BDP1: variants seen among roughly 807,000 people sequenced by gnomAD.
BDP1 encodes transcription factor TFIIIB component B'' homolog.
BDP1 carries 169 observed loss-of-function variants against 266.6 expected under a neutral mutation model. That is an observed-to-expected ratio of 0.63 (90% CI 0.56 to 0.72). BDP1 has a LOEUF of 0.72. Ranked by LOEUF, BDP1 falls within the 30% of genes least tolerant of loss-of-function variation. The pLI is 0.00. For missense variants in BDP1, 3,015 were observed against 3,053.8 expected (o/e 0.99, Z 0.30); for synonymous variants, 1,090 against 1,022.4 (o/e 1.07, Z -1.26).
chr5:71,532,209 C>A, intron 25 of BDP1, 99 bp from the exon 26 acceptor site: 3 of 1,004,944 alleles, frequency 3.0e-6, no homozygotes, highest in Non-Finnish European at 2.9e-6. Flanking sequence ...ATTATTTCTT[C>A]ATTTTAGCGT....
chr5:71,483,791 A>G (rs762985916), intron 7 of BDP1, 51 bp from the exon 8 acceptor site: 1 of 1,391,914 alleles, frequency 7.2e-7, no homozygotes, highest in Non-Finnish European at 1.0e-6. Context: ...TTTAAAAAAA[A>G]ATGCTTGTTT....
Position 71,512,416 on chromosome 5 carries a change from A to T in BDP1, c.4235A>T (p.Asp1412Val). Residue 1412 changes from aspartate to valine, a missense_variant, in exon 18 of 39, where the codon GAT becomes GTT. Asp to Val is a radical substitution (Grantham distance 152). Around this residue, in one of 3 missense-constraint regions of BDP1, gnomAD observed 2,383 missense variants for 2,404.9 expected, o/e 0.99. Coordinates refer to ENST00000358731, the MANE Select transcript of BDP1 (RefSeq NM_018429.3). The stretch of plus-strand genomic sequence containing the variant: ...CCAGATGTTCCAGAGCAGTTTTCAG[A>T]TATTAATTTAAGGTACAAGTGTGTT... Reference protein sequence around the residue: ...QSPDVPEQFSDINLSKSLPQE... With the variant: ...QSPDVPEQFSVINLSKSLPQE... The T allele has an allele frequency of 4.5e-6, 7 of 1,543,412 alleles. No homozygotes were observed. The highest frequency in any genetic ancestry group is 6.1e-6 in the Non-Finnish European group (7 of 1,153,470).
At chr5:71,488,852 C>T (rs1303513243) in intron 9 of BDP1, among the ~76,000 whole-genome samples, 1 of 152,006 alleles carries the variant, frequency 6.6e-6, no homozygotes, top group Non-Finnish European at 1.5e-5. Flanking sequence ...GGATTACAGG[C>T]GCCTGCCACC....
intron 15 of BDP1, among the ~76,000 whole-genome samples, chr5:71,503,460 G>A (rs562656955): frequency 3.3e-5 from 5 of 152,266 alleles, no homozygotes; most frequent in South Asian, 4.1e-4. Context: ...TTGCTTTTCC[G>A]TATCACTTAG....
Position 71,549,495 on chromosome 5 carries a change from C to T in BDP1, c.6884C>T (p.Ala2295Val). The T allele has an allele frequency of 6.2e-7, 1 of 1,614,012 alleles. No homozygotes were observed. Among genetic ancestry groups the T allele is most frequent in the East Asian group, 2.2e-5 (1 of 44,866 alleles). The change falls in exon 34 of 39, where the codon GCC becomes GTC. Residue 2295 changes from alanine (A) to valine (V), a missense_variant. Physicochemically the swap from Ala to Val is moderately conservative, Grantham distance 64. Around this residue, in one of 3 missense-constraint regions of BDP1, gnomAD observed 629 missense variants for 632.5 expected, o/e 0.99. Transcript: ENST00000358731. Reference sequence around the variant, plus strand: ...ATTTTAACTCTGGTGGAAATCCCAGCCAATGCAGTAGAAGAATTTACTGAT... The same window carrying T: ...ATTTTAACTCTGGTGGAAATCCCAGTCAATGCAGTAGAAGAATTTACTGAT... ...AFILTLVEIPANAVEEFTDAT... is the reference protein window; with the variant it reads ...AFILTLVEIPVNAVEEFTDAT...
At position 71,491,389 on chromosome 5, in the gene BDP1, C is replaced by T. The variant is rs184294546; in HGVS notation, c.1640+258C>T. 1.7e-3 allele frequency among the ~76,000 whole-genome samples: 250 copies of T among 151,366 alleles called. 1 individual carries two copies. Among genetic ancestry groups the T allele is most frequent in the African/African-American group, 5.8e-3 (237 of 41,206 alleles). On this transcript the variant is annotated intron_variant, in intron 11 of 38. Transcript: ENST00000358731. ...TCTGATGTTTACTTTGCTATTGTAG[C>T]TTTCTTTTGGTTGGCGTTTGCATGG... is the stretch of plus-strand genomic sequence containing the variant.
At chr5:71,576,678 A>G in the BDP1 span, among the ~76,000 whole-genome samples, 1 of 152,228 alleles carries the variant, frequency 6.6e-6, no homozygotes, top group Non-Finnish European at 1.5e-5. Context: ...GATGGAAAAG[A>G]AGAAAATCAG....
the BDP1 span, among the ~76,000 whole-genome samples, chr5:71,576,632 G>T: frequency 3.9e-5 from 6 of 152,166 alleles, no homozygotes; most frequent in Non-Finnish European, 1.5e-5. Flanking sequence ...TATGTTAACT[G>T]GAGACATTGT....
intron 7 of BDP1, among the ~76,000 whole-genome samples, chr5:71,483,584 A>G (rs760447678): frequency 1.3e-5 from 2 of 152,084 alleles, no homozygotes; most frequent in African/African-American, 2.4e-5. Flanking sequence ...TGTTGACTTT[A>G]TTTTTTTCTG....
rs374426687 is a variant in BDP1 at position 71,530,242 on chromosome 5, T to G, written c.5773-2066T>G. Among the ~76,000 whole-genome samples, 4 of 152,074 alleles carry G rather than the reference T, an allele frequency of 2.6e-5. No homozygotes were observed. The East Asian group carries it at 7.7e-4, about 29-fold the overall frequency. On this transcript the variant is annotated intron_variant, in intron 25 of 38. Coordinates refer to ENST00000358731, the MANE Select transcript of BDP1 (RefSeq NM_018429.3). ...TTTATTTATTTTTCTTTTCTTTATT[T>G]TTATTTTTTTGAGATAGGGTCTTAC...
chr5:71,533,554 C>T (rs1766390825), intron 26 of BDP1, among the ~76,000 whole-genome samples: 1 of 151,522 alleles, frequency 6.6e-6, no homozygotes, highest in Admixed American at 6.6e-5. Context: ...CAGCTTTGAC[C>T]TCCTGAGTGT....
intron 1 of BDP1, among the ~76,000 whole-genome samples, chr5:71,456,315 T>A (rs1417894259): frequency 6.6e-6 from 1 of 152,216 alleles, no homozygotes; most frequent in Non-Finnish European, 1.5e-5. Context: ...GAGGAGACCA[T>A]GTCTTCAAGT....
At chr5:71,528,122 C>T (rs1302786799) in intron 25 of BDP1, among the ~76,000 whole-genome samples, 2 of 152,002 alleles carry the variant, frequency 1.3e-5, no homozygotes, top group African/African-American at 4.8e-5. Context: ...CACCCGGCCT[C>T]GATCTTATGT....
In BDP1 at chr5:71,541,689, T is replaced by G. The variant is rs773357789; in HGVS notation, c.6251+7T>G. On this transcript the variant is annotated splice_region_variant and intron_variant, in intron 29 of 38. Transcript: ENST00000358731. ...AGAATGCTACACCAACCAGGTTTATTTTAGTATTCAATTAATAAATATTAC... is the reference window on the plus strand; with the variant it reads ...AGAATGCTACACCAACCAGGTTTATGTTAGTATTCAATTAATAAATATTAC... 165 of 1,502,690 alleles carry G rather than the reference T, an allele frequency of 1.1e-4. No homozygotes were observed. The highest frequency in any genetic ancestry group is 1.4e-4 in the Non-Finnish European group (156 of 1,108,872). The allele number at this position is 1,502,690 out of a possible 1,614,324, so 93.1% of individuals were successfully genotyped here. A position where few individuals can be genotyped will look rare whatever the true frequency, so the allele number is the denominator to read the frequency against.
intron 26 of BDP1, among the ~76,000 whole-genome samples, chr5:71,535,350 G>T (rs561952538): frequency 6.6e-6 from 1 of 151,758 alleles, no homozygotes; most frequent in Non-Finnish European, 1.5e-5. Flanking sequence ...GATTACAAGC[G>T]CCCGCCACCA....
chr5:71,475,520 C>T (rs956668064), intron 7 of BDP1, among the ~76,000 whole-genome samples: 7 of 152,156 alleles, frequency 4.6e-5, no homozygotes, highest in South Asian at 4.1e-4. Flanking sequence ...CCATAAATAA[C>T]GTATTAACTT....
chr5:71,544,012 T>C (rs998140377), intron 30 of BDP1, among the ~76,000 whole-genome samples: 4 of 152,238 alleles, frequency 2.6e-5, no homozygotes, highest in African/African-American at 9.6e-5. Context: ...TTCCAAGACT[T>C]CCTCTAAAGT....
chr5:71,510,241 G>T lies in BDP1; in HGVS notation c.3149G>T (p.Gly1050Val). The T allele has an allele frequency of 6.2e-7, 1 of 1,613,570 alleles. No homozygotes were observed. Among genetic ancestry groups the T allele is most frequent in the Non-Finnish European group, 8.5e-7 (1 of 1,179,962 alleles). The part of the protein sequence containing the change: ...TEREVSPQEN[G>V]LEEVKPLGEM... ...AGAGAAGTATCCCCACAGGAAAATG[G>T]ACTAGAGGAGGTCAAGCCTCTAGGT... Residue 1050 changes from glycine (G) to valine (V), a missense_variant, in exon 17 of 39, where the codon GGA (glycine) becomes GTA (valine). Physicochemically the swap from Gly to Val is moderately radical, Grantham distance 109 (BLOSUM62 -3). This residue lies in a region of BDP1 where 2,383 missense variants were observed against 2,404.9 expected (regional missense o/e 0.99). Coordinates refer to ENST00000358731, the MANE Select transcript of BDP1 (RefSeq NM_018429.3).
intron 25 of BDP1, among the ~76,000 whole-genome samples, chr5:71,527,211 G>A (rs1201468354): frequency 6.6e-6 from 1 of 152,150 alleles, no homozygotes; most frequent in Non-Finnish European, 1.5e-5. Flanking sequence ...ACGAGCTACT[G>A]CGTTCTTTTT....
Sources: gnomAD v4.1 joint callset for allele counts (sites outside exome capture counted in the v4.1 genomes callset) on GRCh38, gnomAD v4.1.1 for gene constraint, gnomAD v4.1.1 regional missense constraint, MANE v1.5 for transcripts, NCBI Gene and HGNC (gene_info 2026-07-23, HGNC 2026-07-21) for gene names.